ZBTB20: variants seen among roughly 807,000 people sequenced by gnomAD.
The protein encoded by ZBTB20 is zinc finger and BTB domain-containing protein 20.
In ZBTB20, 9 loss-of-function variants were observed where a neutral mutation model predicts 56.9. The observed-to-expected ratio is 0.16, with a 90% CI of 0.10 to 0.28. The LOEUF (loss-of-function observed/expected upper bound fraction) is 0.28. Ranked by LOEUF, ZBTB20 falls within the 10% of genes least tolerant of loss-of-function variation. The pLI is 1.00. For missense variants in ZBTB20, 655 were observed against 1,003.0 expected (o/e 0.65, Z 4.69); for synonymous variants, 417 against 420.7 (o/e 0.99, Z 0.11).
chr3:115,144,336 T>C (rs1191214475), intron 1 of ZBTB20, among the ~76,000 whole-genome samples: 1 of 152,222 alleles, frequency 6.6e-6, no homozygotes, highest in Non-Finnish European at 1.5e-5. Flanking sequence ...TTATTCAGAC[T>C]AGCCTTTTTA....
chr3:114,914,194 C>T (rs1308932110), intron 3 of ZBTB20, among the ~76,000 whole-genome samples: 1 of 151,928 alleles, frequency 6.6e-6, no homozygotes, highest in Non-Finnish European at 1.5e-5. Context: ...AATGTTGATC[C>T]TTCCAATTCA....
At chr3:114,903,877 T>A (rs188722315) in intron 3 of ZBTB20, among the ~76,000 whole-genome samples, 221 of 152,060 alleles carry the variant, frequency 1.5e-3, no homozygotes, top group Admixed American at 5.1e-3. Context: ...GGTTTGCAAC[T>A]CTAAGTAAAA....
chr3:114,928,406 ACCTC>A (rs2076236522), intron 3 of ZBTB20, among the ~76,000 whole-genome samples: 1 of 143,292 alleles, frequency 7.0e-6, no homozygotes, highest in African/African-American at 2.5e-5. Context: ...ATGATGGAGA[ACCTC>A]AAGGTTCTTC....
At chr3:114,892,841 C>G (rs991839765) in intron 4 of ZBTB20, among the ~76,000 whole-genome samples, 1 of 152,132 alleles carries the variant, frequency 6.6e-6, no homozygotes, top group Non-Finnish European at 1.5e-5. Flanking sequence ...CTGCAAATTT[C>G]CAGGTTGTGA....
chr3:114,679,179 C>G (rs568630658), intron 6 of ZBTB20, among the ~76,000 whole-genome samples: 29 of 151,960 alleles, frequency 1.9e-4, no homozygotes, highest in Non-Finnish European at 4.0e-4. Context: ...CCATAAAAAC[C>G]CTAGAAGAAA....
intron 3 of ZBTB20, among the ~76,000 whole-genome samples, chr3:114,971,822 A>T (rs552928702): frequency 6.7e-4 from 102 of 152,334 alleles, no homozygotes; most frequent in Non-Finnish European, 1.3e-3. Flanking sequence ...GGACAAAGCT[A>T]TTATTTATGG....
chr3:114,842,374 T>C (rs1045009938), intron 4 of ZBTB20, among the ~76,000 whole-genome samples: 5 of 152,172 alleles, frequency 3.3e-5, no homozygotes, highest in African/African-American at 1.2e-4. Context: ...GGCAGAACTG[T>C]TTCTTAGAGC....
At chr3:114,611,935 C>T (rs1005333485) in intron 6 of ZBTB20, among the ~76,000 whole-genome samples, 3 of 152,210 alleles carry the variant, frequency 2.0e-5, no homozygotes, top group African/African-American at 7.2e-5. Context: ...TTGTTCTCAT[C>T]ACCCACAAAA....
At chr3:114,872,397 C>T (rs1437051289) in intron 4 of ZBTB20, among the ~76,000 whole-genome samples, 1 of 151,944 alleles carries the variant, frequency 6.6e-6, no homozygotes, top group African/African-American at 2.4e-5. Context: ...TGTGTTGTAA[C>T]CAAGATTATG....
intron 4 of ZBTB20, among the ~76,000 whole-genome samples, chr3:114,828,276 G>A (rs1281441137): frequency 6.6e-6 from 1 of 151,390 alleles, no homozygotes; most frequent in Non-Finnish European, 1.5e-5. Flanking sequence ...ACCCTTTATT[G>A]CACATACATA....
At chr3:114,979,142 A>G (rs1018751373) in intron 2 of ZBTB20, among the ~76,000 whole-genome samples, 1 of 152,078 alleles carries the variant, frequency 6.6e-6, no homozygotes, top group Non-Finnish European at 1.5e-5. Flanking sequence ...TTAACTGGTA[A>G]CATCTCCAAT....
chr3:114,632,829 T>C (rs949747328), intron 6 of ZBTB20, among the ~76,000 whole-genome samples: 1 of 152,190 alleles, frequency 6.6e-6, no homozygotes, highest in African/African-American at 2.4e-5. Context: ...CTTCACAAGC[T>C]TTCCTGAAAG....
chr3:114,389,838 G>A (rs9849042), intron 7 of ZBTB20, among the ~76,000 whole-genome samples: 7,007 of 133,664 alleles, frequency 0.052, 562 homozygotes, highest in African/African-American at 0.19. Flanking sequence ...GCAGTGAGCC[G>A]AGATTGCACC....
At chr3:114,432,732 T>A (rs1559782318) in intron 7 of ZBTB20, among the ~76,000 whole-genome samples, 1 of 152,208 alleles carries the variant, frequency 6.6e-6, no homozygotes, top group Non-Finnish European at 1.5e-5. Flanking sequence ...ATTTTGGAAT[T>A]CTTTGGTATC....
intron 6 of ZBTB20, among the ~76,000 whole-genome samples, chr3:114,521,327 T>C (rs1414340884): frequency 3.9e-5 from 6 of 152,186 alleles, no homozygotes; most frequent in South Asian, 2.1e-4. Flanking sequence ...AATGTTTTTA[T>C]AGTCACTCTG....
At chr3:115,044,751 A>C (rs759989764) in intron 2 of ZBTB20, among the ~76,000 whole-genome samples, 7 of 152,226 alleles carry the variant, frequency 4.6e-5, no homozygotes, top group Non-Finnish European at 1.0e-4. Flanking sequence ...AGTTATCGAG[A>C]ACACAAGCTA....
At position 114,333,501 on chromosome 3, in the gene ZBTB20, C is replaced by T. The variant is rs987585157; in HGVS notation, c.*5504G>A. 1 of 152,144 alleles carries T rather than the reference C, an allele frequency of 6.6e-6. No individual in the cohort carries two copies. Among genetic ancestry groups the T allele is most frequent in the Non-Finnish European group, 1.5e-5 (1 of 68,056 alleles). The allele number at this position is 152,144 out of a possible 1,614,324, so 9.4% of individuals were successfully genotyped here. On this transcript the variant is annotated 3_prime_UTR_variant, in exon 12 of 12. Transcript: ENST00000675478. Reference sequence around the variant, plus strand: ...GAAGTTATGTCTAGCCCCAGAAGGCCTGGTGGCTGGGTCAGCTCAAGCACT... The same window carrying T: ...GAAGTTATGTCTAGCCCCAGAAGGCTTGGTGGCTGGGTCAGCTCAAGCACT...
chr3:114,765,026 AATG>A (rs1560223039), intron 5 of ZBTB20, among the ~76,000 whole-genome samples: 1 of 152,290 alleles, frequency 6.6e-6, no homozygotes, highest in East Asian at 1.9e-4. Context: ...AAGAAAGTAC[AATG>A]ATATCTGTAA....
intron 6 of ZBTB20, among the ~76,000 whole-genome samples, chr3:114,632,702 TG>T (rs1454461750): frequency 6.6e-6 from 1 of 152,252 alleles, no homozygotes; most frequent in Non-Finnish European, 1.5e-5. Context: ...TAATGCAGAA[TG>T]TATTTAATAA....
Sources: allele counts gnomAD v4.1 joint callset (sites outside exome capture counted in the v4.1 genomes callset), GRCh38; gene constraint gnomAD v4.1.1; transcripts MANE v1.5; gene names NCBI Gene and HGNC (gene_info 2026-07-23, HGNC 2026-07-21).